Variants in CD5 observed in about 807,000 individuals in gnomAD.
CD5 encodes CD5 molecule, also known as T-cell surface glycoprotein CD5.
Under a neutral mutation model 60.3 loss-of-function variants are expected in CD5, and 36 were observed. The observed-to-expected ratio is 0.60, with a 90% CI of 0.46 to 0.79. The LOEUF (loss-of-function observed/expected upper bound fraction) is 0.79, where lower values mean the gene tolerates loss of function less well. Among genes scored for constraint, CD5 ranks in the 30% least tolerant of loss-of-function variants. The pLI, the probability that CD5 is intolerant of heterozygous loss-of-function variation, is 0.00. For missense variants in CD5, 540 were observed against 630.6 expected, an observed-to-expected ratio of 0.86 and a Z score of 1.54; for synonymous variants, 230 against 257.6, an observed-to-expected ratio of 0.89 and a Z score of 1.03.
upstream of CD5, among the ~76,000 whole-genome samples, chr11:61,100,169 T>TAC: frequency 1.4e-5 from 1 of 73,190 alleles, no homozygotes; most frequent in African/African-American, 6.1e-5. Flanking sequence ...ACATGGAGAT[T>TAC]ACACACACAC....
chr11:61,095,232 G>A, the CD5 span, among the ~76,000 whole-genome samples: 1 of 152,032 alleles, frequency 6.6e-6, no homozygotes, highest in Non-Finnish European at 1.5e-5. Flanking sequence ...ACCCAGAGTA[G>A]ACAAAAGAGG....
At chr11:61,097,597 A>T (rs557810428), upstream of CD5, among the ~76,000 whole-genome samples, 1 of 152,316 alleles carries the variant, frequency 6.6e-6, no homozygotes, top group African/African-American at 2.4e-5. Context: ...TTACCTGACC[A>T]CTGGGCAGGT....
At chr11:61,100,073 ACTC>A (rs1860642040), upstream of CD5, among the ~76,000 whole-genome samples, 2 of 143,724 alleles carry the variant, frequency 1.4e-5, no homozygotes, top group South Asian at 2.3e-4. Flanking sequence ...CATGGAGATC[ACTC>A]ACACACATCA....
At chr11:61,116,182 A>C (rs1860940972) in intron 2 of CD5, among the ~76,000 whole-genome samples, 1 of 152,048 alleles carries the variant, frequency 6.6e-6, no homozygotes, top group Admixed American at 6.5e-5. Flanking sequence ...ATTTCTAAAA[A>C]TTTCTTGAAT....
At chr11:61,114,484 T>TA (rs1306747841) in intron 1 of CD5, among the ~76,000 whole-genome samples, 2 of 137,576 alleles carry the variant, frequency 1.5e-5, no homozygotes, top group African/African-American at 3.0e-5. Flanking sequence ...ACATACATAG[T>TA]AAAAAAATTA....
intron 7 of CD5, 82 bp from the exon 8 acceptor site, chr11:61,123,802 C>CCCAG: frequency 1.4e-6 from 1 of 689,960 alleles, no homozygotes; most frequent in Non-Finnish European, 2.6e-6. Flanking sequence ...CCCTCCCAGG[C>CCCAG]CCAGCCCCAT....
At chr11:61,095,044 A>G in the CD5 span, among the ~76,000 whole-genome samples, 1 of 152,116 alleles carries the variant, frequency 6.6e-6, no homozygotes, top group Admixed American at 6.5e-5. Flanking sequence ...TTAGTTAAGG[A>G]AGGTTCTCGA....
chr11:61,123,060 G>A (rs370584277), intron 7 of CD5, 28 bp downstream of exon 7: 201 of 1,580,086 alleles, frequency 1.3e-4, no homozygotes, highest in Middle Eastern at 1.7e-4. Flanking sequence ...GAGTGGCTCC[G>A]TTCCCACGTG....
intron 8 of CD5, 90 bp downstream of exon 8, chr11:61,124,027 G>A (rs945412131): frequency 3.9e-6 from 4 of 1,028,242 alleles, no homozygotes; most frequent in Non-Finnish European, 6.0e-6. Flanking sequence ...CACAGACGGA[G>A]CCTGTGGCTG....
chr11:61,113,049 C>T (rs780168507), intron 1 of CD5, among the ~76,000 whole-genome samples: 2 of 152,244 alleles, frequency 1.3e-5, no homozygotes, highest in Non-Finnish European at 2.9e-5. Flanking sequence ...GCTGGGACTA[C>T]GGCCTTGAGC....
chr11:61,115,215 TAGAG>T (rs746885172), intron 2 of CD5, 121 bp downstream of exon 2: 112 of 837,490 alleles, frequency 1.3e-4, no homozygotes, highest in Non-Finnish European at 1.9e-4. Context: ...CCCCACCCTA[TAGAG>T]AGAGTGAACC....
At chr11:61,114,267 G>A (rs372277284) in intron 1 of CD5, among the ~76,000 whole-genome samples, 16 of 152,166 alleles carry the variant, frequency 1.1e-4, no homozygotes, top group African/African-American at 3.6e-4. Flanking sequence ...ATAAGCCACC[G>A]TGCACGGCCT....
chr11:61,105,493 C>G (rs571611428), intron 1 of CD5, among the ~76,000 whole-genome samples: 2 of 152,246 alleles, frequency 1.3e-5, no homozygotes, highest in African/African-American at 4.8e-5. Flanking sequence ...AAGTACAATC[C>G]TGGCATATAG....
At chr11:61,113,515 T>C (rs1213407193) in intron 1 of CD5, among the ~76,000 whole-genome samples, 1 of 152,200 alleles carries the variant, frequency 6.6e-6, no homozygotes, top group Non-Finnish European at 1.5e-5. Context: ...CTGGCTACAC[T>C]ACTGTGGGCA....
Position 61,118,352 on chromosome 11 carries a change from G to A in CD5, c.272G>A (p.Ser91Asn). ...CQRLNCGVPL[S>N]LGPFLVTYTP... ...CGGCTGAACTGTGGGGTGCCCTTAAGCCTTGGCCCCTTCCTTGTCACCTAC... is the reference window on the plus strand; with the variant it reads ...CGGCTGAACTGTGGGGTGCCCTTAAACCTTGGCCCCTTCCTTGTCACCTAC... Residue 91 changes from serine (S) to asparagine (N), a missense_variant, in exon 3 of 11, where the codon AGC (serine) becomes AAC (asparagine). Coordinates refer to ENST00000347785, the MANE Select transcript of CD5 (RefSeq NM_014207.4). This position sits in a 1 kb window ranked among gnomAD's most constrained non-coding sequence, Gnocchi z 4.7. 6.2e-7 allele frequency: 1 copy of A among 1,614,262 alleles called. No homozygotes were observed. The highest frequency in any genetic ancestry group is 1.1e-5 in the South Asian group (1 of 91,092).
In CD5 at chr11:61,118,133, C is replaced by T; in HGVS notation, c.95-42C>T. On this transcript the variant is annotated intron_variant, in intron 2 of 10. Coordinates refer to ENST00000347785, the MANE Select transcript of CD5 (RefSeq NM_014207.4). The surrounding 1 kb of genome is among the most constrained non-coding windows in gnomAD (Gnocchi z 4.7). ...GGCAGTGAGGGGTGCCAGTGGGGAA[C>T]CCCTCCCAGCCTGACCCCCACCACA... 6.3e-7 allele frequency: 1 copy of T among 1,584,706 alleles called. No individual in the cohort carries two copies. The highest frequency in any genetic ancestry group is 1.2e-5 in the South Asian group (1 of 86,936).
rs1417218031 is a variant in CD5, at chr11:61,119,432, C to T, written c.662C>T (p.Ala221Val). The T allele has an allele frequency of 1.5e-5, 25 of 1,614,134 alleles. No individual in the cohort carries two copies. Among genetic ancestry groups the T allele is most frequent in the Non-Finnish European group, 2.1e-5 (25 of 1,180,014 alleles). ...KHLPETEAGRAQDPGEPREHQ... is the reference protein window; with the variant it reads ...KHLPETEAGRVQDPGEPREHQ... ...CTGCCAGAGACTGAGGCAGGCAGAGCCCAAGACCCAGGGGAGCCACGGGAA... is the reference window on the plus strand; with the variant it reads ...CTGCCAGAGACTGAGGCAGGCAGAGTCCAAGACCCAGGGGAGCCACGGGAA... Residue 221 changes from alanine (A) to valine (V), a missense_variant, in exon 5 of 11, where the codon GCC (alanine) becomes GTC (valine). Coordinates refer to ENST00000347785, the MANE Select transcript of CD5 (RefSeq NM_014207.4).
chr11:61,120,032 C>T (rs1031522610), intron 5 of CD5, among the ~76,000 whole-genome samples: 8 of 152,174 alleles, frequency 5.3e-5, no homozygotes, highest in Admixed American at 2.6e-4. Context: ...CCCTGAGGCC[C>T]GGGAGTCAGA....
chr11:61,104,541 G>A (rs1002782241), intron 1 of CD5, among the ~76,000 whole-genome samples: 1 of 152,158 alleles, frequency 6.6e-6, no homozygotes, highest in Non-Finnish European at 1.5e-5. Context: ...ATGGCACCAG[G>A]CAAGTCCCCT....
Sources: gnomAD v4.1 joint callset for allele counts (sites outside exome capture counted in the v4.1 genomes callset) on GRCh38, gnomAD v4.1.1 for gene constraint, Gnocchi (gnomAD v3.1) non-coding constraint, MANE v1.5 for transcripts, NCBI Gene and HGNC (gene_info 2026-07-23, HGNC 2026-07-21) for gene names.